The following CDON variants were observed in gnomAD, a reference collection of about 807,000 sequenced individuals.
CDON encodes the protein cell adhesion associated, oncogene regulated.
CDON carries 73 observed loss-of-function variants against 120.9 expected under a neutral mutation model. That is an observed-to-expected ratio of 0.60 (90% CI 0.50 to 0.73). The LOEUF is 0.73. Ranked by LOEUF, CDON falls within the 30% of genes least tolerant of loss-of-function variation. The pLI, the probability that CDON is intolerant of heterozygous loss-of-function variation, is 0.00. For missense variants in CDON, 1,470 were observed against 1,587.3 expected, an observed-to-expected ratio of 0.93 and a Z score of 1.26; for synonymous variants, 566 against 573.5, an observed-to-expected ratio of 0.99 and a Z score of 0.19.
chr11:125,997,233 G>A lies in CDON; in HGVS notation c.2336C>T (p.Ser779Leu), dbSNP rs748797944. The A allele has an allele frequency of 6.2e-7, 1 of 1,613,516 alleles. No individual in the cohort carries two copies. The highest frequency in any genetic ancestry group is 2.2e-5 in the East Asian group (1 of 44,886). Residue 779 changes from serine (S) to leucine (L), a missense_variant, in exon 12 of 20, where the codon TCA (serine) becomes TTA (leucine). Coordinates refer to ENST00000531738, the MANE Select transcript of CDON (RefSeq NM_001378964.1). ...TGGTTCTAAACTACGAACTTCCACT[G>A]AAAGTTTGGAAGGAGGGATGTCTTC... ...AAEDIPPSKLSVEVRSLEPGS... is the reference protein window; with the variant it reads ...AAEDIPPSKLLVEVRSLEPGS...
intron 18 of CDON, among the ~76,000 whole-genome samples, chr11:125,969,537 G>T (rs1041162821): frequency 6.6e-6 from 1 of 152,182 alleles, no homozygotes; most frequent in Non-Finnish European, 1.5e-5. Context: ...TTCTCAAATG[G>T]TCTTTCAAAT....
chr11:126,014,211 T>C (rs1215942870), intron 7 of CDON, among the ~76,000 whole-genome samples: 2 of 152,102 alleles, frequency 1.3e-5, no homozygotes, highest in South Asian at 2.1e-4. Flanking sequence ...TAAAGAACTC[T>C]TATAAATCAA....
rs1947627980 is a variant in CDON, at chr11:126,021,301, G to C, written c.296C>G (p.Ala99Gly). 6.2e-7 allele frequency: 1 copy of C among 1,614,016 alleles called. No homozygotes were observed. The highest frequency in any genetic ancestry group is 8.5e-7 in the Non-Finnish European group (1 of 1,179,996). Residue 99 changes from alanine to glycine, a missense_variant, in exon 3 of 20, where the codon GCC becomes GGC. Coordinates refer to ENST00000531738, the MANE Select transcript of CDON (RefSeq NM_001378964.1). ...CACAATGGCACCGATGCTATTGTTGGCAAGGCACTGGTAGTAACCCAAAAG... is the reference window on the plus strand; with the variant it reads ...CACAATGGCACCGATGCTATTGTTGCCAAGGCACTGGTAGTAACCCAAAAG... ...SSLLGYYQCL[A>G]NNSIGAIVSG...
chr11:125,978,427 T>C (rs755285712), intron 17 of CDON, 44 bp from the exon 18 acceptor site: 16 of 1,237,562 alleles, frequency 1.3e-5, no homozygotes, highest in South Asian at 3.8e-5. Flanking sequence ...GAAGAAGGAA[T>C]GCTGAAGGTA....
intron 11 of CDON, among the ~76,000 whole-genome samples, chr11:125,999,301 G>A (rs914608913): frequency 1.3e-5 from 2 of 152,128 alleles, no homozygotes; most frequent in African/African-American, 2.4e-5. Context: ...ATGTCTGCAC[G>A]GAAAATAATA....
chr11:125,975,782 G>A (rs539907302), intron 18 of CDON, among the ~76,000 whole-genome samples: 7 of 152,300 alleles, frequency 4.6e-5, no homozygotes, highest in African/African-American at 1.4e-4. Context: ...CACTGAAGTC[G>A]CCTATTCATT....
intron 14 of CDON, among the ~76,000 whole-genome samples, chr11:125,990,827 T>G (rs1054895695): frequency 6.6e-6 from 1 of 151,970 alleles, no homozygotes; most frequent in Non-Finnish European, 1.5e-5. Flanking sequence ...CAGACCCGCG[T>G]TTTTTAAGGA....
Position 126,034,214 on chromosome 11 carries a change from A to G in CDON, c.-61-10677T>C, listed in dbSNP as rs796735472. ...TCAGTCGAGTCAGCCAAGCATACAA[A>G]CGATCCTGCTGCCTGCGAAAGCATT... On this transcript the variant is annotated intron_variant, in intron 1 of 19. Transcript: ENST00000531738. The surrounding 1 kb of genome is among the most constrained non-coding windows in gnomAD (Gnocchi z 4.5). Among the ~76,000 whole-genome samples the G allele has an allele frequency of 1.3e-5, 2 of 152,172 alleles. No homozygotes were observed. Among genetic ancestry groups the G allele is most frequent in the South Asian group, 4.1e-4 (2 of 4,828 alleles).
chr11:125,981,970 CTTTTTTTT>C (rs61446837), intron 16 of CDON, among the ~76,000 whole-genome samples: 212 of 54,270 alleles, frequency 3.9e-3, no homozygotes, highest in African/African-American at 0.014. Context: ...ATTCTATTTT[CTTTTTTTT>C]TTTTTTTTTT....
chr11:126,040,258 T>C (rs1319479730), intron 1 of CDON, among the ~76,000 whole-genome samples: 1 of 152,154 alleles, frequency 6.6e-6, no homozygotes, highest in African/African-American at 2.4e-5. Flanking sequence ...TTTTAAAAAA[T>C]TTCTAGAGGA....
In CDON at chr11:125,961,352, A is replaced by C. The variant is rs543152435; in HGVS notation, c.3632-247T>G. On this transcript the variant is annotated intron_variant, in intron 19 of 19. Coordinates refer to ENST00000531738, the MANE Select transcript of CDON (RefSeq NM_001378964.1). ...AGCAACCCCTTAAAAGCCCTAAAATAACCACCTGAAAGAAAGGTTACAACT... is the reference window on the plus strand; with the variant it reads ...AGCAACCCCTTAAAAGCCCTAAAATCACCACCTGAAAGAAAGGTTACAACT... 2.6e-5 allele frequency among the ~76,000 whole-genome samples: 4 copies of C among 152,338 alleles called. No individual in the cohort carries two copies. In the South Asian group the frequency reaches 8.3e-4, roughly 32 times the overall value.
intron 18 of CDON, among the ~76,000 whole-genome samples, chr11:125,971,922 C>A (rs1946010708): frequency 6.6e-6 from 1 of 152,220 alleles, no homozygotes; most frequent in Admixed American, 6.5e-5. Context: ...TCCAGAACTG[C>A]ATTACTGCCT....
At chr11:126,049,837 C>A (rs1948511379) in intron 1 of CDON, among the ~76,000 whole-genome samples, 1 of 152,200 alleles carries the variant, frequency 6.6e-6, no homozygotes, top group African/African-American at 2.4e-5. Context: ...AGAGAAAGAG[C>A]ATCCCAATTC....
intron 1 of CDON, among the ~76,000 whole-genome samples, chr11:126,052,561 G>A (rs1948589304): frequency 2.0e-5 from 3 of 152,270 alleles, no homozygotes; most frequent in Admixed American, 6.5e-5. Flanking sequence ...GGTGGCTCAC[G>A]CCTGTAATCC....
intron 1 of CDON, among the ~76,000 whole-genome samples, chr11:126,060,411 A>C (rs1948769071): frequency 6.6e-6 from 1 of 152,232 alleles, no homozygotes; most frequent in Non-Finnish European, 1.5e-5. Flanking sequence ...TCATATCATT[A>C]CACGTTAAAG....
Position 126,015,862 on chromosome 11 carries a change from G to A in CDON, c.929-352C>T, listed in dbSNP as rs1051765141. On this transcript the variant is annotated intron_variant, in intron 6 of 19. Transcript: ENST00000531738. Reference sequence around the variant, plus strand: ...TTGAAATACAGTAACAATTTCCCTGGATTTCACACTAAACAGAAGCCAAAA... The same window carrying A: ...TTGAAATACAGTAACAATTTCCCTGAATTTCACACTAAACAGAAGCCAAAA... 2.0e-5 allele frequency among the ~76,000 whole-genome samples: 3 copies of A among 152,204 alleles called. No homozygotes were observed. In the South Asian group the frequency reaches 6.2e-4, roughly 32 times the overall value.
At chr11:126,044,197 T>C (rs139950374) in intron 1 of CDON, among the ~76,000 whole-genome samples, 344 of 152,354 alleles carry the variant, frequency 2.3e-3, no homozygotes, top group Admixed American at 3.8e-3. Context: ...CATGTTAATA[T>C]GGTTCATCAA....
chr11:126,039,404 G>C (rs1487803618), intron 1 of CDON, among the ~76,000 whole-genome samples: 1 of 152,112 alleles, frequency 6.6e-6, no homozygotes, highest in African/African-American at 2.4e-5. Flanking sequence ...TCTACTATTG[G>C]TATTTCATTA....
At position 125,983,878 on chromosome 11, in the gene CDON, T is replaced by C. The variant is rs1946384143; in HGVS notation, c.2989A>G (p.Ile997Val). ...CLWKNRQQNT[I>V]QKYDPPGYLY... ...ATATTTATGAGTGACTTACTTTGTATGGTATTCTGCTGGCGATTCTTCCAC... is the reference window on the plus strand; with the variant it reads ...ATATTTATGAGTGACTTACTTTGTACGGTATTCTGCTGGCGATTCTTCCAC... Residue 997 changes from isoleucine to valine, a missense_variant, in exon 16 of 20, where the codon ATA (isoleucine) becomes GTA (valine). Transcript: ENST00000531738. 1 of 1,611,848 alleles carries C rather than the reference T, an allele frequency of 6.2e-7. No homozygotes were observed. Among genetic ancestry groups the C allele is most frequent in the South Asian group, 1.1e-5 (1 of 90,998 alleles).
Sources: allele counts gnomAD v4.1 joint callset (sites outside exome capture counted in the v4.1 genomes callset), GRCh38; gene constraint gnomAD v4.1.1; non-coding constraint Gnocchi (gnomAD v3.1); transcripts MANE v1.5; gene names NCBI Gene and HGNC (gene_info 2026-07-23, HGNC 2026-07-21).